SCRG1: variants seen among roughly 807,000 people sequenced by gnomAD.
SCRG1 encodes the protein scrapie-responsive protein 1.
Under a neutral mutation model 7.7 loss-of-function variants are expected in SCRG1, and 3 were observed. The ratio of observed to expected loss-of-function variants is 0.39; its 90% CI spans 0.18 to 1.01. SCRG1 has a LOEUF of 1.01. Ranked by LOEUF, SCRG1 falls within the 50% of genes least tolerant of loss-of-function variation. The probability of loss-of-function intolerance (pLI) is 0.36; values close to 1 mark genes in which losing one functional copy is unlikely to be tolerated. For synonymous variants in SCRG1, 46 were observed against 41.2 expected, an observed-to-expected ratio of 1.12 and a Z score of -0.44; for missense variants, 110 against 117.2, an observed-to-expected ratio of 0.94 and a Z score of 0.28.
At chr4:173,467,230 C>T in the SCRG1 span, among the ~76,000 whole-genome samples, 27 of 10,450 alleles carry the variant, frequency 2.6e-3, no homozygotes, top group Middle Eastern at 0.1. Flanking sequence ...GTAAGCAGTC[C>T]ATTGGAAAAA....
the SCRG1 span, among the ~76,000 whole-genome samples, chr4:173,452,791 A>G: frequency 6.6e-6 from 1 of 152,222 alleles, no homozygotes; most frequent in African/African-American, 2.4e-5. Context: ...CTTATTTTCA[A>G]TATCATTTGT....
the SCRG1 span, among the ~76,000 whole-genome samples, chr4:173,445,886 G>T: frequency 0.081 from 12,275 of 151,710 alleles, 587 homozygotes; most frequent in Non-Finnish European, 0.097. Flanking sequence ...GGCTGGTCTC[G>T]AACTCCTGAC....
chr4:173,402,446 T>C (rs1363151095), upstream of SCRG1, among the ~76,000 whole-genome samples: 1 of 26,120 alleles, frequency 3.8e-5, no homozygotes, highest in East Asian at 1.7e-3. Flanking sequence ...CTAATTAGTA[T>C]TTCTTTTTAA....
At chr4:173,398,435 CT>C (rs1421011678) in intron 1 of SCRG1, 4 of 152,110 alleles carry the variant, frequency 2.6e-5, no homozygotes, top group Admixed American at 2.0e-4. Context: ...TTTTCATAGC[CT>C]GTGTAATTAA....
chr4:173,434,453 A>G, the SCRG1 span, among the ~76,000 whole-genome samples: 1 of 152,192 alleles, frequency 6.6e-6, no homozygotes, highest in Non-Finnish European at 1.5e-5. Context: ...GTGACTTGGT[A>G]AAGTATTGGA....
upstream of SCRG1, among the ~76,000 whole-genome samples, chr4:173,403,771 G>C (rs936054965): frequency 6.6e-6 from 1 of 152,146 alleles, no homozygotes; most frequent in African/African-American, 2.4e-5. Context: ...CATTGGACTG[G>C]TCCATGGAAT....
chr4:173,483,361 T>C, the SCRG1 span, among the ~76,000 whole-genome samples: 262 of 29,112 alleles, frequency 9.0e-3, 76 homozygotes, highest in Non-Finnish European at 0.017. Flanking sequence ...TATTATATAT[T>C]ATATGTAATA....
chr4:173,489,945 C>G, the SCRG1 span, among the ~76,000 whole-genome samples: 1 of 152,030 alleles, frequency 6.6e-6, no homozygotes, highest in South Asian at 2.1e-4. Context: ...AATAAAAAGA[C>G]GGAAAAATAT....
the SCRG1 span, among the ~76,000 whole-genome samples, chr4:173,484,554 GTTATATATTATGTATATTTTATATA>G: frequency 1.9e-5 from 1 of 53,014 alleles, no homozygotes; most frequent in African/African-American, 8.1e-5. Context: ...TATTTTATAT[GTTATATATTATGTATATTTTATATA>G]TTATACATTA....
the SCRG1 span, among the ~76,000 whole-genome samples, chr4:173,445,862 C>T: frequency 6.6e-6 from 1 of 151,780 alleles, no homozygotes; most frequent in Non-Finnish European, 1.5e-5. Context: ...GACGAGGTTT[C>T]ACCATGTTGG....
At chr4:173,484,758 A>ATTATATATTATATGCATG in the SCRG1 span, among the ~76,000 whole-genome samples, 2 of 92,958 alleles carry the variant, frequency 2.2e-5, no homozygotes, top group African/African-American at 9.6e-5. Context: ...TTATATACAT[A>ATTATATATTATATGCATG]TAATACATAT....
the SCRG1 span, among the ~76,000 whole-genome samples, chr4:173,518,187 G>A: frequency 1.3e-5 from 2 of 152,138 alleles, no homozygotes; most frequent in Non-Finnish European, 2.9e-5. Flanking sequence ...AAGAGGACCG[G>A]GAGGGCAGGA....
At chr4:173,479,851 A>G in the SCRG1 span, among the ~76,000 whole-genome samples, 1 of 152,202 alleles carries the variant, frequency 6.6e-6, no homozygotes, top group African/African-American at 2.4e-5. Flanking sequence ...ATATCTTAAT[A>G]GTAAAGAGAA....
intron 1 of SCRG1, 41 bp from the exon 2 acceptor site, chr4:173,391,469 T>C: frequency 6.2e-7 from 1 of 1,601,744 alleles, no homozygotes. Flanking sequence ...ATGTTTGTTT[T>C]TTAAAGATAG....
the SCRG1 span, among the ~76,000 whole-genome samples, chr4:173,502,494 A>T: frequency 6.6e-6 from 1 of 152,112 alleles, no homozygotes; most frequent in Non-Finnish European, 1.5e-5. The surrounding 1 kb of genome is among the most constrained non-coding windows in gnomAD (Gnocchi z 4.6). Flanking sequence ...GACGGAGAGG[A>T]TGTTTCCGCT....
At chr4:173,411,739 T>C in the SCRG1 span, among the ~76,000 whole-genome samples, 1 of 152,206 alleles carries the variant, frequency 6.6e-6, no homozygotes, top group Non-Finnish European at 1.5e-5. Flanking sequence ...TCATTATTGA[T>C]TTTTAGAAAT....
chr4:173,505,496 A>G, the SCRG1 span, among the ~76,000 whole-genome samples: 1 of 152,172 alleles, frequency 6.6e-6, no homozygotes, highest in African/African-American at 2.4e-5. This position sits in a 1 kb window ranked among gnomAD's most constrained non-coding sequence, Gnocchi z 4.4. Flanking sequence ...GGGAAAGGGG[A>G]GAGTAGCTAG....
the SCRG1 span, among the ~76,000 whole-genome samples, chr4:173,416,579 C>G: frequency 1.3e-5 from 2 of 152,220 alleles, no homozygotes; most frequent in Non-Finnish European, 2.9e-5. Flanking sequence ...GATTGCATCA[C>G]TGCACTCCAG....
the SCRG1 span, among the ~76,000 whole-genome samples, chr4:173,490,757 T>G: frequency 1.3e-5 from 2 of 152,342 alleles, no homozygotes; most frequent in African/African-American, 4.8e-5. Context: ...TTCTGTCATG[T>G]TCTCCAAGAT....
Sources: gnomAD v4.1 joint callset for allele counts (sites outside exome capture counted in the v4.1 genomes callset) on GRCh38, gnomAD v4.1.1 for gene constraint, Gnocchi (gnomAD v3.1) non-coding constraint, MANE v1.5 for transcripts, NCBI Gene and HGNC (gene_info 2026-07-23, HGNC 2026-07-21) for gene names.